IL1RAPL2: variants seen among roughly 807,000 people sequenced by gnomAD.
IL1RAPL2 encodes X-linked interleukin-1 receptor accessory protein-like 2.
Under a neutral mutation model 44.1 loss-of-function variants are expected in IL1RAPL2, and 3 were observed. The ratio of observed to expected loss-of-function variants is 0.07; its 90% CI spans 0.03 to 0.18. IL1RAPL2 has a LOEUF of 0.18. Ranked by LOEUF, IL1RAPL2 falls within the 10% of genes least tolerant of loss-of-function variation. The pLI is 1.00. For missense variants in IL1RAPL2, 391 were observed against 496.4 expected (o/e 0.79, Z 2.02); for synonymous variants, 181 against 178.8 (o/e 1.01, Z -0.10).
chrX:105,565,309 T>G (rs2147808432), intron 6 of IL1RAPL2, among the ~76,000 whole-genome samples: 1 of 111,738 alleles, frequency 8.9e-6, no homozygotes, highest in Admixed American at 9.5e-5. Context: ...AAAACTGAAT[T>G]ACAACTGGAA....
At chrX:105,509,276 A>G (rs992776593) in intron 6 of IL1RAPL2, among the ~76,000 whole-genome samples, 1 of 112,270 alleles carries the variant, frequency 8.9e-6, no homozygotes, top group Admixed American at 9.4e-5. Context: ...TACTAAAGAC[A>G]TCACATTGAG....
At position 105,164,941 on chromosome X, in the gene IL1RAPL2, C is replaced by T. The variant is rs1255817157; in HGVS notation, c.83-30534C>T. On this transcript the variant is annotated intron_variant, in intron 2 of 10. Coordinates refer to ENST00000372582, the MANE Select transcript of IL1RAPL2 (RefSeq NM_017416.2). ...TAGCTACTATTATAATATTTAAATCCTGTTTTATTCTTCTTTGCACATATC... is the reference window on the plus strand; with the variant it reads ...TAGCTACTATTATAATATTTAAATCTTGTTTTATTCTTCTTTGCACATATC... 2.7e-5 allele frequency among the ~76,000 whole-genome samples: 3 copies of T among 111,486 alleles called. No individual in the cohort carries two copies. In the East Asian group the frequency reaches 8.5e-4, roughly 32 times the overall value.
intron 2 of IL1RAPL2, among the ~76,000 whole-genome samples, chrX:104,968,745 G>A (rs781563235): frequency 4.9e-4 from 54 of 110,674 alleles, no homozygotes; most frequent in Middle Eastern, 9.3e-3. Flanking sequence ...AAAAAACCGC[G>A]TATAATTGCA....
At chrX:105,218,606 C>T (rs979940131) in intron 3 of IL1RAPL2, among the ~76,000 whole-genome samples, 5 of 110,726 alleles carry the variant, frequency 4.5e-5, no homozygotes, top group African/African-American at 1.3e-4. Flanking sequence ...GCGAGACATA[C>T]ACAAATAAAA....
At chrX:105,617,516 A>C in intron 6 of IL1RAPL2, among the ~76,000 whole-genome samples, 1 of 111,504 alleles carries the variant, frequency 9.0e-6, no homozygotes. Context: ...TTCTACTCTA[A>C]GACATTTTCC....
At chrX:105,145,379 TC>T (rs2033170312) in intron 2 of IL1RAPL2, among the ~76,000 whole-genome samples, 1 of 111,497 alleles carries the variant, frequency 9.0e-6, no homozygotes, top group Non-Finnish European at 1.9e-5. Context: ...ACTTCTTCCT[TC>T]CCCTGTTTCC....
At chrX:105,470,195 G>T (rs1357704221) in intron 5 of IL1RAPL2, among the ~76,000 whole-genome samples, 1 of 111,537 alleles carries the variant, frequency 9.0e-6, no homozygotes, top group East Asian at 2.8e-4. Flanking sequence ...TATATATTTA[G>T]AGATTTTATA....
At chrX:105,426,993 T>C (rs911518674) in intron 5 of IL1RAPL2, among the ~76,000 whole-genome samples, 1 of 112,775 alleles carries the variant, frequency 8.9e-6, no homozygotes, top group Non-Finnish European at 1.9e-5. Context: ...TCATTTCTTA[T>C]GCTCAAAGTG....
intron 5 of IL1RAPL2, among the ~76,000 whole-genome samples, chrX:105,382,680 T>C (rs1304890336): frequency 9.4e-6 from 1 of 105,919 alleles, no homozygotes; most frequent in Non-Finnish European, 1.9e-5. Context: ...CATATGTTTA[T>C]TGCGGCACTA....
chrX:105,112,016 T>C (rs1268334267), intron 2 of IL1RAPL2, among the ~76,000 whole-genome samples: 1 of 111,962 alleles, frequency 8.9e-6, no homozygotes, highest in Non-Finnish European at 1.9e-5. Context: ...CTGTGTACTT[T>C]ACTGAGACAC....
rs201316510 is a variant in IL1RAPL2 at position 105,672,177 on chromosome X, AT to A, written c.773-45181del. ...GTGTTGGTATCCGTTATCTTTGTTCATTTTTTTTTGAGATTTTCCTATTTTT... is the reference window on the plus strand; with the variant it reads ...GTGTTGGTATCCGTTATCTTTGTTCATTTTTTTTGAGATTTTCCTATTTTT... On this transcript the variant is annotated intron_variant, in intron 6 of 10. Coordinates refer to ENST00000372582, the MANE Select transcript of IL1RAPL2 (RefSeq NM_017416.2). 5.8e-3 allele frequency among the ~76,000 whole-genome samples: 632 copies of A among 108,523 alleles called. 5 individuals are homozygous for A. The highest frequency in any genetic ancestry group is 0.02 in the African/African-American group (591 of 29,902). The allele number at this position is 108,523 out of a possible 115,157, so 94.2% of individuals were successfully genotyped here. A position where few individuals can be genotyped will look rare whatever the true frequency, so the allele number is the denominator to read the frequency against.
intron 3 of IL1RAPL2, among the ~76,000 whole-genome samples, chrX:105,221,289 A>T (rs1263487168): frequency 9.0e-6 from 1 of 110,862 alleles, no homozygotes; most frequent in East Asian, 2.8e-4. Context: ...ATCTAGATTC[A>T]CATTTCATAC....
intron 2 of IL1RAPL2, among the ~76,000 whole-genome samples, chrX:104,731,803 G>T (rs987399466): frequency 8.9e-6 from 1 of 111,742 alleles, no homozygotes; most frequent in African/African-American, 3.2e-5. Flanking sequence ...GACATAAATA[G>T]AACTCTGGGC....
At chrX:105,036,644 G>C (rs769419706) in intron 2 of IL1RAPL2, among the ~76,000 whole-genome samples, 21 of 112,015 alleles carry the variant, frequency 1.9e-4, no homozygotes, top group Non-Finnish European at 3.6e-4. Context: ...TGTCTGTCCT[G>C]CACCTGCTCT....
intron 2 of IL1RAPL2, among the ~76,000 whole-genome samples, chrX:104,681,573 G>A (rs1930892127): frequency 8.9e-6 from 1 of 112,839 alleles, no homozygotes; most frequent in Non-Finnish European, 1.9e-5. Context: ...ATGAAGAAGA[G>A]TTGTCTTCTA....
intron 5 of IL1RAPL2, among the ~76,000 whole-genome samples, chrX:105,323,984 G>A (rs1254337785): frequency 9.0e-6 from 1 of 111,421 alleles, no homozygotes; most frequent in Non-Finnish European, 1.9e-5. Context: ...ATTGTGTGTA[G>A]GAACTGTAAC....
chrX:105,073,505 A>C (rs1269858852), intron 2 of IL1RAPL2, among the ~76,000 whole-genome samples: 1 of 110,310 alleles, frequency 9.1e-6, no homozygotes, highest in South Asian at 3.9e-4. Flanking sequence ...CAATAAACAT[A>C]TGTGTGCATG....
At chrX:104,874,753 G>A (rs1053504181) in intron 2 of IL1RAPL2, among the ~76,000 whole-genome samples, 2 of 111,437 alleles carry the variant, frequency 1.8e-5, no homozygotes, top group African/African-American at 6.5e-5. Flanking sequence ...GTGCACTGAG[G>A]AATGTTCACC....
intron 3 of IL1RAPL2, among the ~76,000 whole-genome samples, chrX:105,212,162 T>C (rs2033812879): frequency 8.9e-6 from 1 of 112,011 alleles, no homozygotes; most frequent in Admixed American, 9.5e-5. Flanking sequence ...AGCCAAGTGG[T>C]CTCGCTCAGC....
Sources: gnomAD v4.1 joint callset for allele counts (sites outside exome capture counted in the v4.1 genomes callset) on GRCh38, gnomAD v4.1.1 for gene constraint, MANE v1.5 for transcripts, NCBI Gene and HGNC (gene_info 2026-07-23, HGNC 2026-07-21) for gene names.